SOX6: variants seen among roughly 807,000 people sequenced by gnomAD.
The protein encoded by SOX6 is transcription factor SOX-6.
Under a neutral mutation model 97.8 loss-of-function variants are expected in SOX6, and 11 were observed. That is an observed-to-expected ratio of 0.11 (90% CI 0.07 to 0.19). The LOEUF (loss-of-function observed/expected upper bound fraction) is 0.19, where lower values mean the gene tolerates loss of function less well. Ranked by LOEUF, SOX6 falls within the 10% of genes least tolerant of loss-of-function variation. SOX6 has a pLI of 1.00. For synonymous variants in SOX6, 360 were observed against 371.4 expected (o/e 0.97, Z 0.35); for missense variants, 810 against 1,039.5 (o/e 0.78, Z 3.04).
chr11:16,148,783 T>C (rs944613609), intron 6 of SOX6, among the ~76,000 whole-genome samples: 1 of 151,982 alleles, frequency 6.6e-6, no homozygotes, highest in African/African-American at 2.4e-5. Context: ...AAAGACAAAA[T>C]AGTTTATCTA....
chr11:16,727,216 T>C (rs1848312911), intron 2 of SOX6, among the ~76,000 whole-genome samples: 1 of 150,682 alleles, frequency 6.6e-6, no homozygotes, highest in South Asian at 2.1e-4. Context: ...GAATATACAT[T>C]GATTATTTTC....
At chr11:16,321,276 A>T (rs996120875) in intron 2 of SOX6, among the ~76,000 whole-genome samples, 1 of 152,038 alleles carries the variant, frequency 6.6e-6, no homozygotes, top group East Asian at 1.9e-4. Context: ...AAAAAAAAAA[A>T]AAACCCTGAC....
intron 3 of SOX6, chr11:16,317,751 G>C (rs1261943466): frequency 6.0e-6 from 1 of 166,250 alleles, no homozygotes; most frequent in Non-Finnish European, 1.3e-5. Context: ...TACATTTTAA[G>C]GCCTAAAATC....
intron 12 of SOX6, among the ~76,000 whole-genome samples, chr11:16,039,093 T>G (rs1232701305): frequency 6.6e-6 from 1 of 152,148 alleles, no homozygotes; most frequent in East Asian, 1.9e-4. Flanking sequence ...GGTAAATATG[T>G]ATGACAAGAA....
chr11:16,136,892 A>C (rs986153400), intron 6 of SOX6, among the ~76,000 whole-genome samples: 19 of 152,218 alleles, frequency 1.2e-4, no homozygotes, highest in African/African-American at 4.6e-4. Context: ...ACCAATTTTC[A>C]TCAACATGTA....
chr11:16,321,276 A>C (rs996120875), intron 2 of SOX6, among the ~76,000 whole-genome samples: 1 of 152,038 alleles, frequency 6.6e-6, no homozygotes, highest in African/African-American at 2.4e-5. Flanking sequence ...AAAAAAAAAA[A>C]AAACCCTGAC....
At position 16,167,111 on chromosome 11, in the gene SOX6, A is replaced by G. The variant is rs527307195; in HGVS notation, c.777+16775T>C. 8.3e-4 allele frequency among the ~76,000 whole-genome samples: 126 copies of G among 152,304 alleles called. 2 individuals are homozygous for G. In the South Asian group the frequency reaches 0.025, roughly 30 times the overall value. ...ACGGATCTCTAATAAGTATTTCAAC[A>G]AAATAGTTCAACACTAAACTTTTGA... On this transcript the variant is annotated intron_variant, in intron 6 of 15. Coordinates refer to ENST00000683767, the MANE Select transcript of SOX6 (RefSeq NM_001367873.1).
chr11:16,277,673 A>T (rs1854439442), intron 3 of SOX6, among the ~76,000 whole-genome samples: 1 of 152,060 alleles, frequency 6.6e-6, no homozygotes, highest in South Asian at 2.1e-4. Context: ...TGCTCCAAAG[A>T]CTCCACACTT....
intron 10 of SOX6, among the ~76,000 whole-genome samples, chr11:16,050,466 A>G (rs1228834716): frequency 1.3e-5 from 2 of 152,182 alleles, no homozygotes; most frequent in Non-Finnish European, 2.9e-5. Flanking sequence ...CATGGCTTCT[A>G]TGTGGCTTTC....
chr11:16,538,581 C>T (rs1861347357), intron 4 of SOX6, among the ~76,000 whole-genome samples: 1 of 152,064 alleles, frequency 6.6e-6, no homozygotes, highest in South Asian at 2.1e-4. Context: ...GGAGACCCAT[C>T]TCATGTGCAG....
intron 1 of SOX6, among the ~76,000 whole-genome samples, chr11:16,350,245 G>A (rs546349159): frequency 6.6e-6 from 1 of 152,226 alleles, no homozygotes; most frequent in African/African-American, 2.4e-5. Context: ...AGGAGTAGAG[G>A]AAAGAATGAG....
chr11:16,135,680 A>G (rs1849942646), intron 6 of SOX6, among the ~76,000 whole-genome samples: 1 of 152,224 alleles, frequency 6.6e-6, no homozygotes, highest in South Asian at 2.1e-4. Flanking sequence ...TGAGCAAAGA[A>G]GCTGATTTCT....
intron 1 of SOX6, among the ~76,000 whole-genome samples, chr11:16,408,264 C>T (rs1246905800): frequency 3.3e-5 from 5 of 151,948 alleles, no homozygotes; most frequent in African/African-American, 9.7e-5. Flanking sequence ...TTACGTTCAA[C>T]TCAAAATTTC....
intron 1 of SOX6, among the ~76,000 whole-genome samples, chr11:16,414,734 G>T (rs1373560557): frequency 6.6e-6 from 1 of 152,130 alleles, no homozygotes; most frequent in East Asian, 1.9e-4. Flanking sequence ...GCTAGGCCTT[G>T]AAAGATGGAT....
intron 12 of SOX6, among the ~76,000 whole-genome samples, chr11:16,022,905 T>A (rs576507171): frequency 6.6e-6 from 1 of 152,262 alleles, no homozygotes; most frequent in African/African-American, 2.4e-5. Context: ...TGCTCCCTCA[T>A]CAGCTTCATA....
intron 3 of SOX6, among the ~76,000 whole-genome samples, chr11:16,628,122 C>A (rs2133993625): frequency 6.6e-6 from 1 of 152,216 alleles, no homozygotes; most frequent in African/African-American, 2.4e-5. Context: ...GGCTTTATTT[C>A]TGAGTTCTCT....
chr11:16,522,345 A>C (rs1159868517), intron 4 of SOX6, among the ~76,000 whole-genome samples: 1 of 152,200 alleles, frequency 6.6e-6, no homozygotes, highest in Non-Finnish European at 1.5e-5. Flanking sequence ...TAAAGAAAAG[A>C]ATTTTCAACC....
chr11:16,625,343 G>A (rs1848609579), intron 3 of SOX6, among the ~76,000 whole-genome samples: 1 of 152,112 alleles, frequency 6.6e-6, no homozygotes, highest in African/African-American at 2.4e-5. Flanking sequence ...TGTGATGTAC[G>A]AGTGTGAAAT....
chr11:16,665,069 G>C (rs1738693502), intron 3 of SOX6, among the ~76,000 whole-genome samples: 1 of 151,890 alleles, frequency 6.6e-6, no homozygotes, highest in African/African-American at 2.4e-5. Context: ...ATTTGCCATG[G>C]GCCTTGGGTA....
Sources: gnomAD v4.1 joint callset for allele counts (sites outside exome capture counted in the v4.1 genomes callset) on GRCh38, gnomAD v4.1.1 for gene constraint, MANE v1.5 for transcripts, NCBI Gene and HGNC (gene_info 2026-07-23, HGNC 2026-07-21) for gene names.